BICDL1: variants seen among roughly 807,000 people sequenced by gnomAD.
BICDL1 encodes BICD family like cargo adaptor 1.
A neutral mutation model predicts 76.8 loss-of-function variants in BICDL1; 20 were observed. The observed-to-expected ratio is 0.26, with a 90% CI of 0.18 to 0.38. BICDL1 has a LOEUF of 0.38. Among genes scored for constraint, BICDL1 ranks in the 10% least tolerant of loss-of-function variants. The pLI is 1.00. For missense variants in BICDL1, 700 were observed against 798.6 expected, an observed-to-expected ratio of 0.88 and a Z score of 1.49; for synonymous variants, 383 against 337.1, an observed-to-expected ratio of 1.14 and a Z score of -1.49.
chr12:120,079,670 G>A lies in BICDL1; in HGVS notation c.1453-1217G>A, dbSNP rs1019059569. ...CAGGCAGGGTTTCTGGTTGCAAACAGCAAAACATGTACTCTGCTTAATGTA... is the reference window on the plus strand; with the variant it reads ...CAGGCAGGGTTTCTGGTTGCAAACAACAAAACATGTACTCTGCTTAATGTA... On this transcript the variant is annotated intron_variant, in intron 7 of 9. Coordinates refer to ENST00000548673, the MANE Select transcript of BICDL1 (RefSeq NM_001367886.1). This position sits in a 1 kb window ranked among gnomAD's most constrained non-coding sequence, Gnocchi z 4.3. Among the ~76,000 whole-genome samples the A allele has an allele frequency of 7.2e-5, 11 of 152,316 alleles. No homozygotes were observed. The highest frequency in any genetic ancestry group is 6.5e-4 in the Admixed American group (10 of 15,296).
intron 2 of BICDL1, among the ~76,000 whole-genome samples, chr12:120,025,535 C>T (rs1952281294): frequency 6.6e-6 from 1 of 152,138 alleles, no homozygotes; most frequent in African/African-American, 2.4e-5. Flanking sequence ...ACCTGTCCTG[C>T]GTGGCTTCCA....
At position 119,990,111 on chromosome 12, in the gene BICDL1, G is replaced by A. The variant is rs1046134059; in HGVS notation, c.243G>A (p.Gly81=). 1.3e-6 allele frequency: 2 copies of A among 1,549,702 alleles called. No homozygotes were observed. The highest frequency in any genetic ancestry group is 1.7e-6 in the Non-Finnish European group (2 of 1,146,938). Residue 81 remains glycine (G), a synonymous_variant, in exon 1 of 10, where the codon GGG becomes GGA. Coordinates refer to ENST00000548673, the MANE Select transcript of BICDL1 (RefSeq NM_001367886.1). ...DPGEHPQAEP[G]SLAEGAGPQP... is the part of the protein sequence containing the mutation. ...GGGAACACCCTCAGGCCGAGCCTGGGTCTCTGGCCGAGGGGGCCGGACCGC... is the reference window on the plus strand; with the variant it reads ...GGGAACACCCTCAGGCCGAGCCTGGATCTCTGGCCGAGGGGGCCGGACCGC...
intron 9 of BICDL1, chr12:120,090,880 CG>C: frequency 7.8e-7 from 1 of 1,288,828 alleles, no homozygotes; most frequent in Non-Finnish European, 1.0e-6. Context: ...CCTGGCTGAC[CG>C]CTGCTCTCTC....
intron 2 of BICDL1, among the ~76,000 whole-genome samples, chr12:120,035,209 G>T (rs886866758): frequency 2.6e-5 from 4 of 152,140 alleles, no homozygotes; most frequent in African/African-American, 9.7e-5. Context: ...GGTGGTGCAC[G>T]CCTGTAATTC....
At chr12:120,039,637 CAAAAA>C (rs58284420) in intron 2 of BICDL1, among the ~76,000 whole-genome samples, 8 of 54,758 alleles carry the variant, frequency 1.5e-4, no homozygotes, top group African/African-American at 5.6e-4. Flanking sequence ...GACTCCGTCT[CAAAAA>C]AAAAAAAAAA....
chr12:120,013,335 A>G (rs1951992950), intron 2 of BICDL1, among the ~76,000 whole-genome samples: 1 of 151,788 alleles, frequency 6.6e-6, no homozygotes, highest in Non-Finnish European at 1.5e-5. Flanking sequence ...AAAATTATAA[A>G]GCCTGTGGTC....
intron 2 of BICDL1, among the ~76,000 whole-genome samples, chr12:120,057,818 C>CTTTTTTTTTTTTT (rs143777152): frequency 1.0e-4 from 8 of 78,324 alleles, no homozygotes; most frequent in African/African-American, 5.1e-4. Context: ...GCGATTCCTG[C>CTTTTTTTTTTTTT]TTTTTTTTTT....
chr12:120,002,633 A>C (rs1490631201), intron 2 of BICDL1, among the ~76,000 whole-genome samples: 1 of 152,172 alleles, frequency 6.6e-6, no homozygotes, highest in Non-Finnish European at 1.5e-5. Flanking sequence ...TAAAATATGA[A>C]AGCCTTTATT....
In BICDL1 at chr12:120,094,150, C is replaced by A; in HGVS notation, c.*989C>A. The stretch of plus-strand genomic sequence containing the variant: ...GATGCTGCCTGCCTGCCTGCAGAAG[C>A]CTGCAGTGGCTGCTGCTCCTGCCTC... On this transcript the variant is annotated 3_prime_UTR_variant, in exon 10 of 10. Coordinates refer to ENST00000548673, the MANE Select transcript of BICDL1 (RefSeq NM_001367886.1). 3 of 444,250 alleles carry A rather than the reference C, an allele frequency of 6.8e-6. No homozygotes were observed. Among genetic ancestry groups the A allele is most frequent in the Non-Finnish European group, 1.4e-5 (3 of 219,212 alleles). 27.5% of individuals were successfully genotyped at this position (444,250 alleles called of 1,614,324 possible). A position where few individuals can be genotyped will look rare whatever the true frequency, so the allele number is the denominator to read the frequency against.
chr12:120,002,132 C>T (rs994403693), intron 2 of BICDL1, among the ~76,000 whole-genome samples: 4 of 152,112 alleles, frequency 2.6e-5, no homozygotes, highest in Non-Finnish European at 4.4e-5. Context: ...TGTCACCCTC[C>T]GCAAAAGAAA....
chr12:120,022,224 T>G (rs1952199143), intron 2 of BICDL1, among the ~76,000 whole-genome samples: 1 of 149,952 alleles, frequency 6.7e-6, no homozygotes, highest in Non-Finnish European at 1.5e-5. Context: ...ACTAGGTCTA[T>G]TCAGCTTCAC....
chr12:120,051,994 G>A (rs1952869185), intron 2 of BICDL1, among the ~76,000 whole-genome samples: 1 of 152,062 alleles, frequency 6.6e-6, no homozygotes, highest in Non-Finnish European at 1.5e-5. Flanking sequence ...AGGCTGGAGT[G>A]CAGTGGCATG....
intron 9 of BICDL1, chr12:120,091,447 G>C (rs558395958): frequency 1.0e-6 from 1 of 1,001,534 alleles, no homozygotes. Flanking sequence ...TGGATTTAGC[G>C]TAGATTTTAC....
intron 8 of BICDL1, among the ~76,000 whole-genome samples, chr12:120,088,790 G>T (rs1291525327): frequency 6.6e-6 from 1 of 151,726 alleles, no homozygotes; most frequent in Non-Finnish European, 1.5e-5. Flanking sequence ...CCTCAGCCTC[G>T]CCAGTAGCTG....
rs996971433 is a variant in BICDL1, at chr12:120,091,978, T to G, written c.1705-1022T>G. The G allele has an allele frequency of 6.1e-6, 6 of 985,290 alleles. No individual in the cohort carries two copies. The African/African-American group carries it at 1.0e-4, about 17-fold the overall frequency. 61.0% of individuals were successfully genotyped at this position (985,290 alleles called of 1,614,324 possible). On this transcript the variant is annotated intron_variant, in intron 9 of 9. Transcript: ENST00000548673. The stretch of plus-strand genomic sequence containing the variant: ...CCACAGGCTGACTCACTCAGGGGTT[T>G]AGCCAGAAAAGCTTGGGGTCTTACC...
chr12:119,995,110 T>C (rs952002183), intron 1 of BICDL1, among the ~76,000 whole-genome samples: 12 of 152,184 alleles, frequency 7.9e-5, no homozygotes, highest in East Asian at 7.7e-4. Flanking sequence ...AATTTTGATA[T>C]TAACTTTCTA....
chr12:120,064,840 G>A lies in BICDL1; in HGVS notation c.870G>A (p.Val290=), dbSNP rs1231884891. The A allele has an allele frequency of 6.2e-7, 1 of 1,613,340 alleles. No individual in the cohort carries two copies. The highest frequency in any genetic ancestry group is 1.7e-5 in the Admixed American group (1 of 59,930). ...CCGTGGAGGAGCTACAGGACCGGGT[G>A]CTAATCCTGGAGAGGCAGGGCCATG... is the stretch of plus-strand genomic sequence containing the variant. ...QGTVEELQDR[V]LILERQGHDK... is the part of the protein sequence containing the mutation. Residue 290 remains valine (V), a synonymous_variant, in exon 4 of 10, where the codon GTG becomes GTA. Transcript: ENST00000548673.
At chr12:120,058,268 G>A (rs1228444219) in intron 2 of BICDL1, among the ~76,000 whole-genome samples, 1 of 152,224 alleles carries the variant, frequency 6.6e-6, no homozygotes, top group East Asian at 1.9e-4. Context: ...TAACAGCTTA[G>A]GCTCTAGAGT....
chr12:120,023,448 A>C (rs938644145), intron 2 of BICDL1, among the ~76,000 whole-genome samples: 1 of 152,210 alleles, frequency 6.6e-6, no homozygotes, highest in Admixed American at 6.5e-5. Context: ...AAAAATATTG[A>C]ACACCTAACA....
Sources: allele counts gnomAD v4.1 joint callset (sites outside exome capture counted in the v4.1 genomes callset), GRCh38; gene constraint gnomAD v4.1.1; non-coding constraint Gnocchi (gnomAD v3.1); transcripts MANE v1.5; gene names NCBI Gene and HGNC (gene_info 2026-07-23, HGNC 2026-07-21).